Variants in USH2A observed in about 807,000 individuals in gnomAD.
The protein encoded by USH2A is Usher syndrome 2A (autosomal recessive, mild).
USH2A carries 443 observed loss-of-function variants against 538.9 expected under a neutral mutation model. The observed-to-expected ratio is 0.82, with a 90% CI of 0.76 to 0.89. The LOEUF (loss-of-function observed/expected upper bound fraction) is 0.89. USH2A is among the 40% of genes least tolerant of loss of function. The probability of loss-of-function intolerance (pLI) is 0.00; values close to 1 mark genes in which losing one functional copy is unlikely to be tolerated. For missense variants in USH2A, 6,633 were observed against 6,324.8 expected (o/e 1.05, Z -1.65); for synonymous variants, 2,413 against 2,273.5 (o/e 1.06, Z -1.75).
intron 3 of USH2A, among the ~76,000 whole-genome samples, chr1:216,371,083 C>T (rs1343189312): frequency 6.6e-6 from 1 of 152,200 alleles, no homozygotes; most frequent in Non-Finnish European, 1.5e-5. Flanking sequence ...TTGGGAACGC[C>T]TTTCTCTCTG....
chr1:216,357,345 T>A (rs563297660), intron 4 of USH2A, among the ~76,000 whole-genome samples: 30 of 152,272 alleles, frequency 2.0e-4, no homozygotes, highest in Non-Finnish European at 3.4e-4. Flanking sequence ...AAGCTTTTTT[T>A]AAATCTAATT....
intron 37 of USH2A, among the ~76,000 whole-genome samples, chr1:215,950,921 C>T (rs928726732): frequency 2.6e-5 from 4 of 152,054 alleles, no homozygotes; most frequent in African/African-American, 4.8e-5. Context: ...AAATTTATTG[C>T]GTCTATTTGA....
intron 20 of USH2A, among the ~76,000 whole-genome samples, chr1:216,180,545 G>A (rs2034473172): frequency 6.6e-6 from 1 of 151,992 alleles, no homozygotes; most frequent in South Asian, 2.1e-4. Flanking sequence ...GAGCACCATA[G>A]GATAAGAACT....
At chr1:216,136,039 T>C (rs1311187007) in intron 21 of USH2A, among the ~76,000 whole-genome samples, 4 of 152,156 alleles carry the variant, frequency 2.6e-5, no homozygotes, top group Admixed American at 2.6e-4. Context: ...TGTGTATCTT[T>C]GATTAGTATC....
intron 21 of USH2A, 121 bp downstream of exon 21, chr1:216,175,130 AG>A: frequency 2.0e-6 from 3 of 1,523,912 alleles, no homozygotes; most frequent in Non-Finnish European, 2.7e-6. Context: ...AAGCTATCAA[AG>A]GGCTGAATTA....
At chr1:215,945,550 T>C (rs1212698740) in intron 37 of USH2A, among the ~76,000 whole-genome samples, 1 of 152,204 alleles carries the variant, frequency 6.6e-6, no homozygotes, top group African/African-American at 2.4e-5. Flanking sequence ...TTTTAAAACA[T>C]GACTACATCT....
chr1:215,957,028 T>C (rs1667084707), intron 37 of USH2A, among the ~76,000 whole-genome samples: 1 of 152,140 alleles, frequency 6.6e-6, no homozygotes, highest in Admixed American at 6.6e-5. Context: ...CCAGAAAAAA[T>C]GCCTTTTGAT....
rs1668260651 is a variant in USH2A, at chr1:216,001,307, TGAATGAATAA to T, written c.6326-755_6326-746del. 2.0e-5 allele frequency among the ~76,000 whole-genome samples: 3 copies of T among 152,234 alleles called. No individual in the cohort carries two copies. In the South Asian group the frequency reaches 6.2e-4, roughly 32 times the overall value. ...TAGGTTTTGAATATGTGTGTTTGAA[TGAATGAATAA>T]TTAATGAATGAAACGAGCTAGGTCT... On this transcript the variant is annotated intron_variant, in intron 32 of 71. Coordinates refer to ENST00000307340, the MANE Select transcript of USH2A (RefSeq NM_206933.4).
chr1:215,970,299 G>T (rs930130736), intron 36 of USH2A, among the ~76,000 whole-genome samples: 4 of 152,048 alleles, frequency 2.6e-5, no homozygotes, highest in Non-Finnish European at 4.4e-5. Context: ...TAGATGTTGA[G>T]CCCATGATTA....
At chr1:216,053,426 C>G (rs2030864052) in intron 30 of USH2A, among the ~76,000 whole-genome samples, 1 of 141,798 alleles carries the variant, frequency 7.1e-6, no homozygotes, top group Non-Finnish European at 1.5e-5. Context: ...TTGTGAATCT[C>G]TTTGTTTGGG....
chr1:215,757,589 G>A (rs569780128), intron 58 of USH2A, among the ~76,000 whole-genome samples: 1 of 152,148 alleles, frequency 6.6e-6, no homozygotes, highest in Non-Finnish European at 1.5e-5. Context: ...ACATAATTTT[G>A]AAGTGTTTTT....
At chr1:216,189,237 A>G (rs1463015500) in intron 20 of USH2A, among the ~76,000 whole-genome samples, 1 of 151,896 alleles carries the variant, frequency 6.6e-6, no homozygotes, top group Non-Finnish European at 1.5e-5. Flanking sequence ...CTTGGATGAG[A>G]TCATTTGAGC....
chr1:215,752,286 A>T (rs1660645069), intron 58 of USH2A, among the ~76,000 whole-genome samples: 1 of 152,098 alleles, frequency 6.6e-6, no homozygotes, highest in South Asian at 2.1e-4. Flanking sequence ...TTTTATAAGG[A>T]TATGTTGTTT....
chr1:216,275,686 A>G (rs1178626758), intron 11 of USH2A, among the ~76,000 whole-genome samples: 1 of 152,142 alleles, frequency 6.6e-6, no homozygotes, highest in Non-Finnish European at 1.5e-5. Flanking sequence ...TATATAGGTA[A>G]GATAAGTGGA....
At chr1:215,862,644 A>G (rs1220573636) in intron 44 of USH2A, among the ~76,000 whole-genome samples, 1 of 152,172 alleles carries the variant, frequency 6.6e-6, no homozygotes, top group East Asian at 1.9e-4. Context: ...TTCCCCTTTT[A>G]TATATTATAT....
chr1:216,045,051 G>A (rs1050086875), intron 32 of USH2A, among the ~76,000 whole-genome samples: 9 of 152,116 alleles, frequency 5.9e-5, no homozygotes, highest in African/African-American at 1.4e-4. Context: ...TGAGCACCAA[G>A]AGAAGAGGGA....
chr1:216,124,967 C>T (rs1571980908), intron 21 of USH2A, among the ~76,000 whole-genome samples: 1 of 152,100 alleles, frequency 6.6e-6, no homozygotes, highest in Admixed American at 6.5e-5. Context: ...TTATTCTTCA[C>T]TATTTTAACA....
chr1:216,310,312 T>A (rs991917907), intron 9 of USH2A, among the ~76,000 whole-genome samples: 1 of 152,112 alleles, frequency 6.6e-6, no homozygotes, highest in Non-Finnish European at 1.5e-5. Flanking sequence ...CAACTATACC[T>A]TTTTAAAACT....
At chr1:216,327,727 A>C in intron 4 of USH2A, 73 bp from the exon 5 acceptor site, 1 of 1,559,664 alleles carries the variant, frequency 6.4e-7, no homozygotes, top group Non-Finnish European at 8.8e-7. Flanking sequence ...TATTTAAGTG[A>C]TATTCCTTTG....
Sources: gnomAD v4.1 joint callset for allele counts (sites outside exome capture counted in the v4.1 genomes callset) on GRCh38, gnomAD v4.1.1 for gene constraint, MANE v1.5 for transcripts, NCBI Gene and HGNC (gene_info 2026-07-23, HGNC 2026-07-21) for gene names.